Variants in CTNND2 observed in about 807,000 individuals in gnomAD.
CTNND2 encodes catenin delta-2.
In CTNND2, 22 loss-of-function variants were observed where a neutral mutation model predicts 144.4. That is an observed-to-expected ratio of 0.15 (90% CI 0.11 to 0.22). The LOEUF (loss-of-function observed/expected upper bound fraction) is 0.22, where lower values mean the gene tolerates loss of function less well. CTNND2 is among the 10% of genes least tolerant of loss of function. The pLI, the probability that CTNND2 is intolerant of heterozygous loss-of-function variation, is 1.00. For synonymous variants in CTNND2, 751 were observed against 695.6 expected (o/e 1.08, Z -1.25); for missense variants, 1,353 against 1,618.8 (o/e 0.84, Z 2.82).
At chr5:11,080,817 T>C (rs1280938120) in intron 16 of CTNND2, among the ~76,000 whole-genome samples, 2 of 152,216 alleles carry the variant, frequency 1.3e-5, no homozygotes, top group Non-Finnish European at 2.9e-5. Context: ...GGCTCATGCC[T>C]GTAATTCCAG....
chr5:11,579,147 C>CT (rs57335413), intron 2 of CTNND2, among the ~76,000 whole-genome samples: 2,510 of 137,692 alleles, frequency 0.018, 28 homozygotes, highest in African/African-American at 0.041. Context: ...AGTTCCTTTC[C>CT]TTTTTTTTTT....
At chr5:11,023,045 G>T in intron 16 of CTNND2, 66 bp from the exon 17 acceptor site, 1 of 1,435,124 alleles carries the variant, frequency 7.0e-7, no homozygotes, top group Non-Finnish European at 9.8e-7. Context: ...AGTGGCAGAG[G>T]TGGGTATGGG....
At chr5:11,720,294 C>T (rs547569480) in intron 2 of CTNND2, among the ~76,000 whole-genome samples, 5 of 152,106 alleles carry the variant, frequency 3.3e-5, no homozygotes, top group East Asian at 1.9e-4. Context: ...AATGTAAACC[C>T]CAAACCTATT....
chr5:11,216,290 C>A (rs540977375), intron 10 of CTNND2, among the ~76,000 whole-genome samples: 1 of 152,094 alleles, frequency 6.6e-6, no homozygotes, highest in Non-Finnish European at 1.5e-5. Flanking sequence ...TCATGTTACA[C>A]GGAAAAGAGG....
chr5:11,283,673 CAAAAAAAA>C (rs70947250), intron 9 of CTNND2, among the ~76,000 whole-genome samples: 14 of 31,606 alleles, frequency 4.4e-4, no homozygotes, highest in South Asian at 1.3e-3. Context: ...GACTCCGTCT[CAAAAAAAA>C]AAAAAAAAAA....
intron 2 of CTNND2, among the ~76,000 whole-genome samples, chr5:11,694,983 A>AT (rs748349431): frequency 1.3e-5 from 2 of 152,364 alleles, no homozygotes; most frequent in Non-Finnish European, 2.9e-5. Context: ...ATAGCAGGTC[A>AT]TTTTTTAAAA....
At chr5:11,802,895 C>T (rs1791774078) in intron 1 of CTNND2, among the ~76,000 whole-genome samples, 1 of 152,088 alleles carries the variant, frequency 6.6e-6, no homozygotes, top group African/African-American at 2.4e-5. Flanking sequence ...TATAGCAGCC[C>T]AGATGTCATA....
At chr5:11,644,959 C>T (rs924002315) in intron 2 of CTNND2, among the ~76,000 whole-genome samples, 1 of 152,002 alleles carries the variant, frequency 6.6e-6, no homozygotes, top group South Asian at 2.1e-4. Flanking sequence ...TATGTATATA[C>T]TTTCACAGTA....
intron 3 of CTNND2, among the ~76,000 whole-genome samples, chr5:11,466,877 A>G (rs578226003): frequency 6.6e-6 from 1 of 152,368 alleles, no homozygotes; most frequent in African/African-American, 2.4e-5. Flanking sequence ...AGCTTCCCAC[A>G]CATGCGTGTA....
At chr5:11,605,653 G>C (rs1304646062) in intron 2 of CTNND2, among the ~76,000 whole-genome samples, 1 of 152,128 alleles carries the variant, frequency 6.6e-6, no homozygotes, top group Non-Finnish European at 1.5e-5. Flanking sequence ...AAATAGCCTT[G>C]TTTGGATCTG....
intron 1 of CTNND2, among the ~76,000 whole-genome samples, chr5:11,770,537 C>A (rs1226034204): frequency 6.6e-6 from 1 of 151,866 alleles, no homozygotes; most frequent in African/African-American, 2.4e-5. Flanking sequence ...TGAATATTTC[C>A]CATCATTCAG....
chr5:11,083,843 T>C, intron 15 of CTNND2: 2 of 1,069,622 alleles, frequency 1.9e-6, no homozygotes, highest in South Asian at 2.2e-5. Context: ...CCACCCCCCT[T>C]CCCCCATGGG....
chr5:11,460,459 AC>A, intron 3 of CTNND2, among the ~76,000 whole-genome samples: 1 of 152,336 alleles, frequency 6.6e-6, no homozygotes. Flanking sequence ...ATATTTTAAT[AC>A]TGAGAAGTGT....
intron 9 of CTNND2, among the ~76,000 whole-genome samples, chr5:11,294,934 C>T (rs539998935): frequency 6.6e-6 from 1 of 152,296 alleles, no homozygotes; most frequent in East Asian, 1.9e-4. Context: ...GACAAGGATG[C>T]CCTCTCTCAC....
intron 11 of CTNND2, among the ~76,000 whole-genome samples, chr5:11,175,464 G>C (rs946984435): frequency 6.6e-6 from 1 of 152,004 alleles, no homozygotes; most frequent in African/African-American, 2.4e-5. Context: ...ATCCCAGCAC[G>C]CACGCTGTTC....
intron 3 of CTNND2, among the ~76,000 whole-genome samples, chr5:11,509,954 C>G (rs1285956456): frequency 2.0e-5 from 3 of 152,116 alleles, no homozygotes; most frequent in Non-Finnish European, 2.9e-5. Flanking sequence ...CTTTTAGAGA[C>G]AGGGTCTCGC....
chr5:11,858,260 A>C (rs1156990781), intron 1 of CTNND2, among the ~76,000 whole-genome samples: 2 of 152,252 alleles, frequency 1.3e-5, no homozygotes, highest in African/African-American at 2.4e-5. Flanking sequence ...TAGGTGGCAA[A>C]GTTGGTTTTA....
chr5:11,406,704 C>T (rs1188247201), intron 5 of CTNND2, among the ~76,000 whole-genome samples: 4 of 152,066 alleles, frequency 2.6e-5, no homozygotes, highest in Admixed American at 2.6e-4. Flanking sequence ...ATATATTTGC[C>T]TCTGTTAAAC....
In CTNND2 at chr5:11,069,339, G is replaced by A. The variant is rs149295311; in HGVS notation, c.2788+13357C>T. 1.3e-3 allele frequency among the ~76,000 whole-genome samples: 198 copies of A among 152,276 alleles called. 1 individual carries two copies. The highest frequency in any genetic ancestry group is 4.6e-3 in the African/African-American group (190 of 41,546). On this transcript the variant is annotated intron_variant, in intron 16 of 21. Transcript: ENST00000304623. ...AAATCTAGAGCACTCACAGAAGCTT[G>A]TAAAAAGGGTAGGGCCTGAATTTGT...
Sources: allele counts gnomAD v4.1 joint callset (sites outside exome capture counted in the v4.1 genomes callset), GRCh38; gene constraint gnomAD v4.1.1; transcripts MANE v1.5; gene names NCBI Gene and HGNC (gene_info 2026-07-23, HGNC 2026-07-21).